The following VWA3B variants were observed in gnomAD, a reference collection of about 807,000 sequenced individuals.
VWA3B encodes von Willebrand factor A domain-containing protein 3B.
A neutral mutation model predicts 158.3 loss-of-function variants in VWA3B; 138 were observed. The ratio of observed to expected loss-of-function variants is 0.87; its 90% CI spans 0.76 to 1.00. The LOEUF (loss-of-function observed/expected upper bound fraction) is 1.00, where lower values mean the gene tolerates loss of function less well. Ranked by LOEUF, VWA3B falls within the 50% of genes least tolerant of loss-of-function variation. The pLI, the probability that VWA3B is intolerant of heterozygous loss-of-function variation, is 0.00. For missense variants in VWA3B, 1,555 were observed against 1,565.1 expected (o/e 0.99, Z 0.11); for synonymous variants, 596 against 587.3 (o/e 1.01, Z -0.21).
downstream of VWA3B, among the ~76,000 whole-genome samples, chr2:98,317,351 T>G (rs1399673716): frequency 1.1e-4 from 16 of 152,136 alleles, no homozygotes; most frequent in Admixed American, 9.8e-4. Context: ...GCCATCTGAG[T>G]GGCCTTCCTC....
intron 21 of VWA3B, among the ~76,000 whole-genome samples, chr2:98,259,409 C>T (rs922868694): frequency 1.8e-4 from 28 of 151,640 alleles, no homozygotes; most frequent in African/African-American, 6.0e-4. Flanking sequence ...TTTTTTATTT[C>T]TTATGCAAAG....
At chr2:98,153,359 T>G (rs1677789637) in intron 7 of VWA3B, among the ~76,000 whole-genome samples, 1 of 152,262 alleles carries the variant, frequency 6.6e-6, no homozygotes, top group East Asian at 1.9e-4. Flanking sequence ...CTACCAGTAT[T>G]ATTCTTAAGT....
At chr2:98,126,515 C>CT (rs1675371570) in intron 5 of VWA3B, among the ~76,000 whole-genome samples, 1 of 152,146 alleles carries the variant, frequency 6.6e-6, no homozygotes, top group Non-Finnish European at 1.5e-5. Flanking sequence ...AATAGGCCTG[C>CT]TAAGTGGAAG....
At chr2:98,152,491 G>A (rs192337104) in intron 7 of VWA3B, among the ~76,000 whole-genome samples, 1 of 152,270 alleles carries the variant, frequency 6.6e-6, no homozygotes. Flanking sequence ...CGGCACAGGA[G>A]GAGGGAGTCT....
At chr2:98,140,439 T>A (rs6733649) in intron 7 of VWA3B, among the ~76,000 whole-genome samples, 30,800 of 152,114 alleles carry the variant, frequency 0.2, 4,125 homozygotes, top group African/African-American at 0.39. Flanking sequence ...CCTCTCCTCC[T>A]CGTAGCTGTC....
At chr2:98,208,506 T>C (rs912773586) in intron 12 of VWA3B, among the ~76,000 whole-genome samples, 8 of 152,212 alleles carry the variant, frequency 5.3e-5, no homozygotes, top group African/African-American at 1.9e-4. Context: ...TTATTTACAC[T>C]GTTTTTGAGT....
rs199764250 is a variant in VWA3B, at chr2:98,101,848, ATATTTTTTTATTTTT to A, written c.196+8584_196+8598del. 6.6e-4 allele frequency among the ~76,000 whole-genome samples: 99 copies of A among 149,150 alleles called. 1 individual carries two copies. The highest frequency in any genetic ancestry group is 6.8e-3 in the Middle Eastern group (2 of 292). The stretch of plus-strand genomic sequence containing the variant: ...CTTTCTTTTTTTTTTTTGCATGTTT[ATATTTTTTTATTTTT>A]TATTTTTTTATTTTTTATTTTTTGT... On this transcript the variant is annotated intron_variant, in intron 2 of 27. Coordinates refer to ENST00000477737, the MANE Select transcript of VWA3B (RefSeq NM_144992.5).
chr2:98,314,983 CA>C (rs1247032638), downstream of VWA3B, among the ~76,000 whole-genome samples: 205 of 104,476 alleles, frequency 2.0e-3, no homozygotes, highest in Middle Eastern at 5.7e-3. Context: ...GAGTCCATCT[CA>C]AAAAAAAAAA....
chr2:98,268,421 C>T (rs1165088010), intron 21 of VWA3B, among the ~76,000 whole-genome samples: 1 of 152,176 alleles, frequency 6.6e-6, no homozygotes, highest in Non-Finnish European at 1.5e-5. Context: ...TTTAAGTTCA[C>T]TGATTCTTTC....
the VWA3B span, among the ~76,000 whole-genome samples, chr2:98,330,221 C>T: frequency 6.6e-6 from 1 of 152,142 alleles, no homozygotes; most frequent in African/African-American, 2.4e-5. Context: ...CATTTCCAGC[C>T]CCCAGCCTCC....
At chr2:98,217,705 A>G (rs949617776) in intron 13 of VWA3B, 141 bp from the exon 14 acceptor site, 2 of 659,224 alleles carry the variant, frequency 3.0e-6, no homozygotes, top group Non-Finnish European at 2.3e-6. Context: ...AATTGAATCG[A>G]CATGTTTTTA....
At chr2:98,268,234 C>CA (rs1484812690) in intron 21 of VWA3B, among the ~76,000 whole-genome samples, 4 of 151,024 alleles carry the variant, frequency 2.6e-5, no homozygotes, top group Admixed American at 6.6e-5. Flanking sequence ...AGAGACACAA[C>CA]AAAAAAAGAG....
At chr2:98,248,509 G>T (rs1686542663) in intron 19 of VWA3B, among the ~76,000 whole-genome samples, 1 of 152,122 alleles carries the variant, frequency 6.6e-6, no homozygotes. Flanking sequence ...TTCAAAGAGT[G>T]CCTTGATTTA....
At chr2:98,184,996 T>C (rs1180512646) in intron 9 of VWA3B, among the ~76,000 whole-genome samples, 5 of 152,212 alleles carry the variant, frequency 3.3e-5, no homozygotes, top group African/African-American at 1.2e-4. Context: ...TTCAGTCCCA[T>C]ATGGAGGACC....
chr2:98,121,844 A>G (rs189699433), intron 5 of VWA3B: 11 of 182,280 alleles, frequency 6.0e-5, no homozygotes, highest in East Asian at 1.3e-4. Context: ...CAGTCAGTCT[A>G]TCTCTTATGA....
downstream of VWA3B, among the ~76,000 whole-genome samples, chr2:98,317,333 C>A (rs533268653): frequency 7.3e-5 from 11 of 151,676 alleles, no homozygotes; most frequent in Admixed American, 5.9e-4. Flanking sequence ...AATTCTAAAC[C>A]CCCCCCAGCC....
intron 15 of VWA3B, among the ~76,000 whole-genome samples, chr2:98,229,496 C>T (rs1176368848): frequency 1.3e-5 from 2 of 152,214 alleles, no homozygotes; most frequent in African/African-American, 4.8e-5. Flanking sequence ...AAGGTCATAT[C>T]TGGGAAAACA....
At chr2:98,276,082 G>T (rs1023582983) in intron 22 of VWA3B, among the ~76,000 whole-genome samples, 8 of 152,224 alleles carry the variant, frequency 5.3e-5, no homozygotes, top group African/African-American at 1.9e-4. Context: ...ACCCTTGTCT[G>T]TTAGGGGAAC....
At chr2:98,325,063 C>T in the VWA3B span, among the ~76,000 whole-genome samples, 139 of 152,232 alleles carry the variant, frequency 9.1e-4, no homozygotes, top group Middle Eastern at 0.014. Flanking sequence ...GAAATACACA[C>T]TTTGTAATCC....
Sources: gnomAD v4.1 joint callset for allele counts (sites outside exome capture counted in the v4.1 genomes callset) on GRCh38, gnomAD v4.1.1 for gene constraint, MANE v1.5 for transcripts, NCBI Gene and HGNC (gene_info 2026-07-23, HGNC 2026-07-21) for gene names.